Variants in TCTN2 observed in about 807,000 individuals in gnomAD.
TCTN2 encodes the protein tectonic-2.
Under a neutral mutation model 83.4 loss-of-function variants are expected in TCTN2, and 66 were observed. The observed-to-expected ratio is 0.79, with a 90% CI of 0.65 to 0.97. TCTN2 has a LOEUF of 0.97. TCTN2 is among the 50% of genes least tolerant of loss of function. TCTN2 has a pLI of 0.00. For synonymous variants in TCTN2, 301 were observed against 326.7 expected (o/e 0.92, Z 0.85); for missense variants, 794 against 858.1 (o/e 0.93, Z 0.93).
At chr12:123,687,805 T>C (rs1955991515) in intron 6 of TCTN2, among the ~76,000 whole-genome samples, 1 of 151,830 alleles carries the variant, frequency 6.6e-6, no homozygotes, top group Non-Finnish European at 1.5e-5. Context: ...TTACTAAAAA[T>C]ACAAAAAATT....
chr12:123,693,949 C>G (rs1956077637), intron 9 of TCTN2, among the ~76,000 whole-genome samples: 2 of 151,688 alleles, frequency 1.3e-5, no homozygotes, highest in Non-Finnish European at 2.9e-5. Flanking sequence ...TCCTGAGTAG[C>G]TGGGATTACA....
chr12:123,706,841 C>A lies in TCTN2; in HGVS notation c.1885C>A (p.Pro629Thr). The change falls in exon 16 of 18, where the codon CCC (proline) becomes ACC (threonine). Residue 629 changes from proline (P) to threonine (T), a missense_variant. By Grantham distance (38) the Pro-to-Thr change is conservative. Transcript: ENST00000303372. The part of the protein sequence containing the change: ...FIKIPAQLPH[P>T]LTRFQINYTE... ...TAAAATTCCTGCACAGTTACCCCAC[C>A]CCCTGACAAGGTACTCCAGTTGCTC... 1 of 1,614,084 alleles carries A rather than the reference C, an allele frequency of 6.2e-7. No individual in the cohort carries two copies. The highest frequency in any genetic ancestry group is 8.5e-7 in the Non-Finnish European group (1 of 1,180,022).
chr12:123,677,856 C>T (rs754973989), intron 4 of TCTN2, among the ~76,000 whole-genome samples: 1 of 152,114 alleles, frequency 6.6e-6, no homozygotes, highest in Non-Finnish European at 1.5e-5. Context: ...TCTCGAACTC[C>T]TGACCTCAGG....
chr12:123,672,240 C>A, intron 3 of TCTN2, 108 bp downstream of exon 3: 2 of 1,036,848 alleles, frequency 1.9e-6, no homozygotes, highest in Non-Finnish European at 3.0e-6. Context: ...ATGCTCTCAA[C>A]AATCATGAAA....
At chr12:123,691,377 C>G (rs147028692) in intron 8 of TCTN2, among the ~76,000 whole-genome samples, 3 of 152,278 alleles carry the variant, frequency 2.0e-5, no homozygotes, top group East Asian at 3.9e-4. Context: ...TCTGGGTGTT[C>G]CCTAGAAACA....
Position 123,699,585 on chromosome 12 carries a change from C to G in TCTN2, c.1506-119C>G, listed in dbSNP as rs1183312450. ...GTGACACCCAGCCAGTTTTTAATGC[C>G]AGTTCCTCTGGCAGTTTTTAATTTA... On this transcript the variant is annotated intron_variant, in intron 13 of 17. Coordinates refer to ENST00000303372, the MANE Select transcript of TCTN2 (RefSeq NM_024809.5). The G allele has an allele frequency of 3.5e-6, 3 of 848,114 alleles. No homozygotes were observed. In the Admixed American group the frequency reaches 5.8e-5, roughly 16 times the overall value. 52.5% of individuals were successfully genotyped at this position (848,114 alleles called of 1,614,324 possible). A position where few individuals can be genotyped will look rare whatever the true frequency, so the allele number is the denominator to read the frequency against.
At chr12:123,699,316 G>A (rs1457896723) in intron 13 of TCTN2, among the ~76,000 whole-genome samples, 1 of 152,008 alleles carries the variant, frequency 6.6e-6, no homozygotes, top group African/African-American at 2.4e-5. Flanking sequence ...CACCATGCCT[G>A]GCTAATTTTT....
chr12:123,688,723 T>C (rs1956006797), intron 7 of TCTN2, among the ~76,000 whole-genome samples: 3 of 152,042 alleles, frequency 2.0e-5, no homozygotes. Flanking sequence ...AACCAAAAGA[T>C]TTTCTATAAG....
chr12:123,704,771 T>C, intron 15 of TCTN2, 83 bp downstream of exon 15: 4 of 1,455,102 alleles, frequency 2.7e-6, no homozygotes, highest in Non-Finnish European at 3.8e-6. Flanking sequence ...AATGTTTATT[T>C]AGAAACTGAT....
Position 123,706,771 on chromosome 12 carries a change from G to A in TCTN2, c.1815G>A (p.Glu605=), listed in dbSNP as rs1242797681. Residue 605 remains glutamate (E), a synonymous_variant, in exon 16 of 18, where the codon GAG becomes GAA. Coordinates refer to ENST00000303372, the MANE Select transcript of TCTN2 (RefSeq NM_024809.5). ...NWQYQCGLTC[E]HKADLLPISA... The stretch of plus-strand genomic sequence containing the variant: ...AGTACCAGTGTGGGCTTACCTGTGA[G>A]CACAAGGCCGACCTTCTCCCTATCA... 6.2e-7 allele frequency: 1 copy of A among 1,614,128 alleles called. No individual in the cohort carries two copies. The highest frequency in any genetic ancestry group is 1.7e-5 in the Admixed American group (1 of 60,008).
chr12:123,696,087 A>G (rs1593858826), intron 11 of TCTN2: 2 of 339,212 alleles, frequency 5.9e-6, no homozygotes, highest in Non-Finnish European at 1.1e-5. Context: ...CAGGTGATCC[A>G]CCCACCTCGG....
intron 15 of TCTN2, 26 bp from the exon 16 acceptor site, chr12:123,706,700 C>G: frequency 6.2e-7 from 1 of 1,613,794 alleles, no homozygotes; most frequent in Non-Finnish European, 8.5e-7. Context: ...GGTGGCTATG[C>G]TGACCATGTG....
chr12:123,703,900 C>T (rs931445373), intron 14 of TCTN2, among the ~76,000 whole-genome samples: 8 of 151,752 alleles, frequency 5.3e-5, no homozygotes, highest in Admixed American at 2.6e-4. Context: ...TGTTAAAAGG[C>T]TGGGTAGATT....
chr12:123,691,745 T>TG (rs1322578425), intron 8 of TCTN2, among the ~76,000 whole-genome samples: 1 of 151,820 alleles, frequency 6.6e-6, no homozygotes, highest in Non-Finnish European at 1.5e-5. Flanking sequence ...TTTGGTTTTT[T>TG]TTTTGAGAGG....
At chr12:123,701,625 C>T (rs1231959164) in intron 14 of TCTN2, among the ~76,000 whole-genome samples, 1 of 151,784 alleles carries the variant, frequency 6.6e-6, no homozygotes, top group Non-Finnish European at 1.5e-5. Context: ...CGCCTGTAGT[C>T]CCAGCTACTC....
intron 5 of TCTN2, among the ~76,000 whole-genome samples, chr12:123,681,992 A>G (rs1955905355): frequency 6.6e-6 from 1 of 152,124 alleles, no homozygotes; most frequent in African/African-American, 2.4e-5. Context: ...AATTTTTGAG[A>G]CAGGGTCTTG....
At chr12:123,682,703 A>G (rs908959988) in intron 5 of TCTN2, among the ~76,000 whole-genome samples, 5 of 151,222 alleles carry the variant, frequency 3.3e-5, no homozygotes, top group Non-Finnish European at 5.9e-5. Flanking sequence ...GCTGGTCTCG[A>G]ACTCCTGACC....
intron 8 of TCTN2, 82 bp downstream of exon 8, chr12:123,690,756 T>G (rs1956032000): frequency 6.5e-7 from 1 of 1,546,832 alleles, no homozygotes; most frequent in Non-Finnish European, 8.9e-7. Context: ...AAATCATTTC[T>G]ACTGGTTCAA....
In TCTN2 at chr12:123,707,677, C is replaced by T. The variant is rs1956247254; in HGVS notation, c.2058C>T (p.Ser686=). 1 of 1,614,184 alleles carries T rather than the reference C, an allele frequency of 6.2e-7. No individual in the cohort carries two copies. ...TCCTCACATTGGCCTTGTTCCTCAG[C>T]AACCCCTGGACCAGAATATGCAAAG... The part of the protein sequence containing the change: ...LLFLTLALFL[S]NPWTRICKAY... Residue 686 remains serine, a synonymous_variant, in exon 18 of 18, where the codon AGC becomes AGT. Transcript: ENST00000303372.
Sources: allele counts gnomAD v4.1 joint callset (sites outside exome capture counted in the v4.1 genomes callset), GRCh38; gene constraint gnomAD v4.1.1; transcripts MANE v1.5; gene names NCBI Gene and HGNC (gene_info 2026-07-23, HGNC 2026-07-21).